Variants in WDPCP observed in about 807,000 individuals in gnomAD.
The protein encoded by WDPCP is WD repeat-containing and planar cell polarity effector protein fritz homolog.
In WDPCP, 71 loss-of-function variants were observed where a neutral mutation model predicts 93.1. The ratio of observed to expected loss-of-function variants is 0.76; its 90% CI spans 0.63 to 0.93. The LOEUF is 0.93. Ranked by LOEUF, WDPCP falls within the 40% of genes least tolerant of loss-of-function variation. The pLI is 0.00. For synonymous variants in WDPCP, 315 were observed against 315.0 expected (o/e 1.00, Z 0.00); for missense variants, 844 against 887.4 (o/e 0.95, Z 0.62).
At chr2:63,522,175 C>T (rs1702979755) in intron 1 of WDPCP, among the ~76,000 whole-genome samples, 1 of 151,858 alleles carries the variant, frequency 6.6e-6, no homozygotes, top group Non-Finnish European at 1.5e-5. Context: ...TAATGCTATC[C>T]CTCCTCTAGC....
intron 13 of WDPCP, among the ~76,000 whole-genome samples, chr2:63,279,017 C>G (rs1478165399): frequency 6.6e-6 from 1 of 152,040 alleles, no homozygotes; most frequent in Non-Finnish European, 1.5e-5. Flanking sequence ...AAAAAAAAGT[C>G]CAGGACCAGA....
intron 1 of WDPCP, among the ~76,000 whole-genome samples, chr2:63,581,331 A>G (rs1332690038): frequency 3.3e-5 from 5 of 152,214 alleles, no homozygotes; most frequent in Non-Finnish European, 7.3e-5. Flanking sequence ...TCATACAGAG[A>G]GAACTCCAGA....
intron 2 of WDPCP, among the ~76,000 whole-genome samples, chr2:63,766,578 TA>T (rs372826212): frequency 0.19 from 28,131 of 145,316 alleles, 2,787 homozygotes; most frequent in Middle Eastern, 0.27. Context: ...GTATGTTACT[TA>T]AAAAAAAAAA....
intron 2 of WDPCP, among the ~76,000 whole-genome samples, chr2:63,674,366 A>C (rs1558881197): frequency 6.6e-6 from 1 of 152,200 alleles, no homozygotes; most frequent in Non-Finnish European, 1.5e-5. Flanking sequence ...AAAAGGAGCA[A>C]GGGTCAAAAC....
intron 10 of WDPCP, among the ~76,000 whole-genome samples, chr2:63,393,091 G>A (rs972063579): frequency 6.6e-6 from 1 of 152,052 alleles, no homozygotes; most frequent in African/African-American, 2.4e-5. Flanking sequence ...ATGCACACAT[G>A]TTTATTGCGG....
chr2:63,343,311 G>C (rs1012349304), intron 12 of WDPCP, among the ~76,000 whole-genome samples: 1 of 151,406 alleles, frequency 6.6e-6, no homozygotes, highest in Admixed American at 6.6e-5. Flanking sequence ...TCTTTAAACA[G>C]TTTGCATATG....
chr2:63,745,667 CACTT>C lies in WDPCP; in HGVS notation n.308+67951_308+67954del, dbSNP rs1158103276. ...TTACACACACACACACACACACACA[CACTT>C]GTACTCCATCTTATTTGCTCCCTTT... On this transcript the variant is annotated intron_variant and non_coding_transcript_variant, in intron 2 of 4. Transcript: ENST00000467687. Among the ~76,000 whole-genome samples, 7 of 151,960 alleles carry C rather than the reference CACTT, an allele frequency of 4.6e-5. No individual in the cohort carries two copies. In the East Asian group the frequency reaches 9.7e-4, roughly 21 times the overall value.
intron 3 of WDPCP, among the ~76,000 whole-genome samples, chr2:63,635,412 C>A (rs1373463677): frequency 1.3e-5 from 2 of 152,154 alleles, no homozygotes; most frequent in Admixed American, 1.3e-4. Context: ...GATGAGGATA[C>A]TGTAAAAAAG....
At chr2:63,247,140 A>G (rs1680349180) in intron 14 of WDPCP, among the ~76,000 whole-genome samples, 1 of 152,212 alleles carries the variant, frequency 6.6e-6, no homozygotes, top group East Asian at 1.9e-4. Context: ...TCTTATCCCT[A>G]GATGACCCAC....
intron 2 of WDPCP, among the ~76,000 whole-genome samples, chr2:63,693,162 A>C (rs1217812052): frequency 1.9e-4 from 29 of 152,164 alleles, no homozygotes; most frequent in Admixed American, 1.9e-3. Context: ...AGAAAATATT[A>C]ATTGGAGAAT....
chr2:63,620,696 A>G (rs1709725938), intron 3 of WDPCP, among the ~76,000 whole-genome samples: 1 of 152,198 alleles, frequency 6.6e-6, no homozygotes, highest in African/African-American at 2.4e-5. Context: ...TGTCTCCTCA[A>G]GTGGGTGCCT....
intron 6 of WDPCP, among the ~76,000 whole-genome samples, chr2:63,460,361 G>C (rs1212780062): frequency 6.6e-6 from 1 of 152,142 alleles, no homozygotes; most frequent in Non-Finnish European, 1.5e-5. Context: ...GTTCGGTTAT[G>C]AGTCCAAACA....
intron 3 of WDPCP, among the ~76,000 whole-genome samples, chr2:63,627,548 C>A (rs980505218): frequency 1.3e-5 from 2 of 152,160 alleles, no homozygotes; most frequent in Non-Finnish European, 2.9e-5. Flanking sequence ...ACCTGCCCCC[C>A]ATCTTGTACC....
At chr2:63,330,867 C>CTT (rs70965119) in intron 12 of WDPCP, among the ~76,000 whole-genome samples, 157 of 86,818 alleles carry the variant, frequency 1.8e-3, no homozygotes, top group Non-Finnish European at 2.0e-3. Context: ...TTCCCCAAGG[C>CTT]TTTTTTTTTT....
intron 2 of WDPCP, among the ~76,000 whole-genome samples, chr2:63,661,372 T>G (rs1710224728): frequency 6.6e-6 from 1 of 152,200 alleles, no homozygotes; most frequent in African/African-American, 2.4e-5. Flanking sequence ...GTTTCCTTAG[T>G]GAGTATTCAG....
chr2:63,128,395 A>AT, intron 17 of WDPCP, among the ~76,000 whole-genome samples: 1 of 151,974 alleles, frequency 6.6e-6, no homozygotes, highest in Admixed American at 6.5e-5. Context: ...TTTACCACAA[A>AT]TTTTTTCCAG....
Position 63,173,170 on chromosome 2 carries a change from AAGC to A in WDPCP, c.2078+1497_2078+1499del, listed in dbSNP as rs756700451. ...GTAATCCCAGCTACTATGGAGGGTG[AAGC>A]AGGAGAGTCGCGTGAACCCAGGAGG... is the stretch of plus-strand genomic sequence containing the variant. On this transcript the variant is annotated intron_variant, in intron 15 of 17. Coordinates refer to ENST00000272321, the MANE Select transcript of WDPCP (RefSeq NM_015910.7). Among the ~76,000 whole-genome samples, 6 of 152,080 alleles carry A rather than the reference AAGC, an allele frequency of 3.9e-5. 1 individual carries two copies. The highest frequency in any genetic ancestry group is 3.4e-3 in the Middle Eastern group (1 of 294).
intron 6 of WDPCP, among the ~76,000 whole-genome samples, chr2:63,465,187 T>C (rs1305247433): frequency 6.6e-6 from 1 of 152,210 alleles, no homozygotes; most frequent in South Asian, 2.1e-4. Context: ...TGCCAGACAC[T>C]GTGCTAAGTA....
chr2:63,672,711 CCTTTA>C (rs2106635227), intron 2 of WDPCP, among the ~76,000 whole-genome samples: 2 of 120,698 alleles, frequency 1.7e-5, no homozygotes, highest in South Asian at 2.6e-4. Flanking sequence ...CTCACTGAAG[CCTTTA>C]TTTTATTTTA....
Sources: gnomAD v4.1 joint callset for allele counts (sites outside exome capture counted in the v4.1 genomes callset) on GRCh38, gnomAD v4.1.1 for gene constraint, MANE v1.5 for transcripts, NCBI Gene and HGNC (gene_info 2026-07-23, HGNC 2026-07-21) for gene names.